The following FGD5 variants were observed in gnomAD, a reference collection of about 807,000 sequenced individuals.
FGD5 encodes FYVE, RhoGEF and PH domain-containing protein 5.
FGD5 carries 28 observed loss-of-function variants against 133.4 expected under a neutral mutation model. The observed-to-expected ratio is 0.21, with a 90% confidence interval of 0.16 to 0.29. The LOEUF (loss-of-function observed/expected upper bound fraction) is 0.29, where lower values mean the gene tolerates loss of function less well. FGD5 is among the 10% of genes least tolerant of loss of function. The probability of loss-of-function intolerance (pLI) is 1.00; values close to 1 mark genes in which losing one functional copy is unlikely to be tolerated. For missense variants in FGD5, 1,858 were observed against 1,895.2 expected, an observed-to-expected ratio of 0.98 and a Z score of 0.36; for synonymous variants, 810 against 776.5, an observed-to-expected ratio of 1.04 and a Z score of -0.72.
chr3:14,914,669 C>G (rs2038517509), intron 11 of FGD5, among the ~76,000 whole-genome samples: 1 of 152,138 alleles, frequency 6.6e-6, no homozygotes, highest in Admixed American at 6.5e-5. Flanking sequence ...GAGAGCAGCC[C>G]TGACATTCCC....
intron 1 of FGD5, among the ~76,000 whole-genome samples, chr3:14,823,483 C>T (rs534664338): frequency 6.6e-6 from 1 of 152,274 alleles, no homozygotes; most frequent in South Asian, 2.1e-4. Flanking sequence ...ATCTTTTTTA[C>T]AATAGCCCTT....
chr3:14,915,670 C>T (rs2038539934), intron 11 of FGD5, among the ~76,000 whole-genome samples: 1 of 151,658 alleles, frequency 6.6e-6, no homozygotes, highest in South Asian at 2.1e-4. Flanking sequence ...ATTTTGTGTA[C>T]AGAGCTCACC....
At chr3:14,901,837 T>G (rs2038245780) in intron 9 of FGD5, among the ~76,000 whole-genome samples, 1 of 152,166 alleles carries the variant, frequency 6.6e-6, no homozygotes, top group Non-Finnish European at 1.5e-5. Flanking sequence ...CCTTGTGCTG[T>G]GTTGGGGAGT....
At chr3:14,854,426 T>C (rs1439514383) in intron 1 of FGD5, among the ~76,000 whole-genome samples, 1 of 145,624 alleles carries the variant, frequency 6.9e-6, no homozygotes, top group Non-Finnish European at 1.5e-5. Context: ...TATTTATTTA[T>C]TTATTTATTG....
In FGD5 at chr3:14,819,253, C is replaced by G; in HGVS notation, c.182C>G (p.Thr61Ser). ...ATCCCAAAGTGCTCTGAGTCGGAGA[C>G]CGACGAGGATTACATCGTGGTCCCC... ...RSIPKCSESE[T>S]DEDYIVVPRV... The change falls in exon 1 of 20, where the codon ACC (threonine) becomes AGC (serine). Residue 61 changes from threonine (T) to serine (S), a missense_variant. Coordinates refer to ENST00000285046, the MANE Select transcript of FGD5 (RefSeq NM_152536.4). The surrounding 1 kb of genome is among the most constrained non-coding windows in gnomAD (Gnocchi z 4.1). The G allele has an allele frequency of 1.9e-6, 3 of 1,539,132 alleles. No individual in the cohort carries two copies. The highest frequency in any genetic ancestry group is 2.6e-6 in the Non-Finnish European group (3 of 1,141,204).
intron 11 of FGD5, among the ~76,000 whole-genome samples, chr3:14,913,083 G>C (rs1055020888): frequency 2.6e-5 from 4 of 151,956 alleles, no homozygotes; most frequent in East Asian, 3.9e-4. Context: ...CAAATGTAGG[G>C]GCAGGTAATG....
In FGD5 at chr3:14,922,865, T is replaced by C. The variant is rs1158129352; in HGVS notation, c.3808-181T>C. 6.6e-6 allele frequency among the ~76,000 whole-genome samples: 1 copy of C among 152,118 alleles called. No homozygotes were observed. The highest frequency in any genetic ancestry group is 2.4e-5 in the African/African-American group (1 of 41,438). On this transcript the variant is annotated intron_variant, in intron 15 of 19. Coordinates refer to ENST00000285046, the MANE Select transcript of FGD5 (RefSeq NM_152536.4). This position sits in a 1 kb window ranked among gnomAD's most constrained non-coding sequence, Gnocchi z 4.1. ...GCTCATCAGAAAAGCAGATAGGCGC[T>C]GGCTCAGAAACAAGATGAAGCCTTG...
chr3:14,904,106 G>C (rs1177221706), intron 9 of FGD5, among the ~76,000 whole-genome samples: 1 of 152,192 alleles, frequency 6.6e-6, no homozygotes, highest in Non-Finnish European at 1.5e-5. Flanking sequence ...TACCACTGTT[G>C]ATGTTGACCT....
chr3:14,844,218 ATATATAT>A lies in FGD5; in HGVS notation c.2526-19909_2526-19903del, dbSNP rs1437499240. Among the ~76,000 whole-genome samples, 102 of 21,640 alleles carry A rather than the reference ATATATAT, an allele frequency of 4.7e-3. 6 individuals carry two copies. Among genetic ancestry groups the A allele is most frequent in the South Asian group, 0.013 (6 of 448 alleles). The allele number at this position is 21,640 out of a possible 152,430, so 14.2% of individuals were successfully genotyped here. On this transcript the variant is annotated intron_variant, in intron 1 of 19. Transcript: ENST00000285046. ...TTAATAGGCATTAAAAAAAAAAAAA[ATATATAT>A]ATATATATATATATATATATATATA...
intron 10 of FGD5, among the ~76,000 whole-genome samples, chr3:14,908,201 A>T (rs1365123131): frequency 6.6e-6 from 1 of 152,248 alleles, no homozygotes; most frequent in Non-Finnish European, 1.5e-5. Flanking sequence ...CAAGAGACAA[A>T]GGAATGAAAG....
chr3:14,837,927 C>G (rs972887715), intron 1 of FGD5, among the ~76,000 whole-genome samples: 1 of 152,176 alleles, frequency 6.6e-6, no homozygotes, highest in African/African-American at 2.4e-5. Context: ...GGCAATTTGC[C>G]ATAAATTTAG....
At chr3:14,857,532 T>G (rs1018830839) in intron 1 of FGD5, among the ~76,000 whole-genome samples, 12 of 152,150 alleles carry the variant, frequency 7.9e-5, no homozygotes, top group African/African-American at 2.7e-4. Flanking sequence ...TTTCAGATCC[T>G]TGGTCCTGGT....
intron 1 of FGD5, among the ~76,000 whole-genome samples, chr3:14,844,217 AATATATAT>A (rs869290486): frequency 5.8e-3 from 117 of 20,238 alleles, no homozygotes; most frequent in African/African-American, 9.8e-3. Context: ...AAAAAAAAAA[AATATATAT>A]ATATATATAT....
At chr3:14,898,136 A>C (rs570198253) in intron 6 of FGD5, 41 bp downstream of exon 6, 145 of 1,611,522 alleles carry the variant, frequency 9.0e-5, no homozygotes, top group Non-Finnish European at 1.2e-4. Flanking sequence ...GTAAGGATGC[A>C]GGGGTTGAGG....
In FGD5 at chr3:14,846,264, A is replaced by C. The variant is rs919414783; in HGVS notation, c.2526-17864A>C. 2.0e-5 allele frequency among the ~76,000 whole-genome samples: 3 copies of C among 152,090 alleles called. No individual in the cohort carries two copies. In the South Asian group the frequency reaches 6.2e-4, roughly 32 times the overall value. On this transcript the variant is annotated intron_variant, in intron 1 of 19. Transcript: ENST00000285046. ...CTTTGGGGAGCCAAAAGATTGTACTAGTGAGGATGGGGCTGAGGGAGGAGG... is the reference window on the plus strand; with the variant it reads ...CTTTGGGGAGCCAAAAGATTGTACTCGTGAGGATGGGGCTGAGGGAGGAGG...
intron 1 of FGD5, among the ~76,000 whole-genome samples, chr3:14,836,458 G>A (rs1318522437): frequency 3.9e-5 from 6 of 152,216 alleles, no homozygotes; most frequent in South Asian, 2.1e-4. Context: ...GTCCCCAAAC[G>A]CAAATGGTCT....
Position 14,880,448 on chromosome 3 carries a change from A to G in FGD5, c.2659-124A>G. 23 of 733,916 alleles carry G rather than the reference A, an allele frequency of 3.1e-5. 1 individual carries two copies. In the South Asian group the frequency reaches 4.3e-4, roughly 14 times the overall value. 45.5% of individuals were successfully genotyped at this position (733,916 alleles called of 1,614,324 possible). A position where few individuals can be genotyped will look rare whatever the true frequency, so the allele number is the denominator to read the frequency against. On this transcript the variant is annotated intron_variant, in intron 2 of 19. Coordinates refer to ENST00000285046, the MANE Select transcript of FGD5 (RefSeq NM_152536.4). ...GAGGTTAAATAAGTTGTTGAAGAAC[A>G]TACAAGTAATGAGTGCCAGGAAATG...
At chr3:14,821,717 T>C in intron 1 of FGD5, 121 bp downstream of exon 1, 7 of 1,352,348 alleles carry the variant, frequency 5.2e-6, no homozygotes, top group Non-Finnish European at 5.8e-6. Context: ...CTAGCTGTGT[T>C]GACTTGGGGT....
intron 11 of FGD5, among the ~76,000 whole-genome samples, chr3:14,913,949 C>T (rs201028733): frequency 1.3e-5 from 2 of 152,150 alleles, no homozygotes; most frequent in African/African-American, 4.8e-5. Context: ...CCACACTCCC[C>T]CCGTCTGGCA....
Sources: gnomAD v4.1 joint callset for allele counts (sites outside exome capture counted in the v4.1 genomes callset) on GRCh38, gnomAD v4.1.1 for gene constraint, Gnocchi (gnomAD v3.1) non-coding constraint, MANE v1.5 for transcripts, NCBI Gene and HGNC (gene_info 2026-07-23, HGNC 2026-07-21) for gene names.